Variants in DHX57 observed in about 807,000 individuals in gnomAD.
DHX57 encodes DExH-box helicase 57, also known as putative ATP-dependent RNA helicase DHX57.
Under a neutral mutation model 156.2 loss-of-function variants are expected in DHX57, and 105 were observed. That is an observed-to-expected ratio of 0.67 (90% CI 0.57 to 0.79). The LOEUF is 0.79. Ranked by LOEUF, DHX57 falls within the 30% of genes least tolerant of loss-of-function variation. DHX57 has a pLI of 0.00. For synonymous variants in DHX57, 704 were observed against 595.6 expected (o/e 1.18, Z -2.65); for missense variants, 1,847 against 1,661.9 (o/e 1.11, Z -1.94).
chr2:38,842,976 T>C (rs1404309534), intron 12 of DHX57, 29 bp downstream of exon 12: 15 of 1,601,506 alleles, frequency 9.4e-6, no homozygotes, highest in Non-Finnish European at 1.2e-5. Flanking sequence ...TTTGGCATAA[T>C]TATAATATTC....
chr2:38,815,644 G>A lies in DHX57; in HGVS notation c.3483C>T (p.Ser1161=), dbSNP rs200686313. 48 of 1,613,934 alleles carry A rather than the reference G, an allele frequency of 3.0e-5. No homozygotes were observed. Among genetic ancestry groups the A allele is most frequent in the Middle Eastern group, 1.6e-4 (1 of 6,084 alleles). ...ACAGTTCCGTGAATTGTCGTTTGAGGCTGGCCATTTCCTGAAAGAAGTGGA... is the reference window on the plus strand; with the variant it reads ...ACAGTTCCGTGAATTGTCGTTTGAGACTGGCCATTTCCTGAAAGAAGTGGA... ...LSGRVLQEMA[S]LKRQFTELLS... The change falls in exon 20 of 24, where the codon AGC becomes AGT. Residue 1161 remains serine (S), a synonymous_variant. Coordinates refer to ENST00000457308, the MANE Select transcript of DHX57 (RefSeq NM_198963.3).
chr2:38,857,326 ACAACTATATAAATCAATTT>A (rs1672951844), intron 6 of DHX57, among the ~76,000 whole-genome samples: 1 of 152,212 alleles, frequency 6.6e-6, no homozygotes, highest in South Asian at 2.1e-4. Flanking sequence ...GGCAGTCACT[ACAACTATATAAATCAATTT>A]CATATTTAAT....
intron 21 of DHX57, among the ~76,000 whole-genome samples, chr2:38,807,059 G>GT (rs757607191): frequency 0.019 from 2,738 of 146,714 alleles, 95 homozygotes; most frequent in African/African-American, 0.063. Context: ...TTCTTGTTTT[G>GT]TTTTGTTTTT....
intron 2 of DHX57, among the ~76,000 whole-genome samples, chr2:38,866,768 G>A (rs1383104940): frequency 6.6e-6 from 1 of 152,208 alleles, no homozygotes; most frequent in Admixed American, 6.5e-5. Flanking sequence ...TAACTCAGAA[G>A]TTAGGTTCTT....
chr2:38,824,928 C>T (rs765688395), intron 16 of DHX57, among the ~76,000 whole-genome samples: 2 of 152,146 alleles, frequency 1.3e-5, no homozygotes, highest in East Asian at 3.9e-4. Flanking sequence ...GGATTACAGG[C>T]ATGAGCCACC....
chr2:38,819,126 T>C lies in DHX57; in HGVS notation c.3310A>G (p.Lys1104Glu). The change falls in exon 18 of 24, where the codon AAA becomes GAA. Residue 1104 changes from lysine (K) to glutamate (E), a missense_variant. Coordinates refer to ENST00000457308, the MANE Select transcript of DHX57 (RefSeq NM_198963.3). ...AGCTTTTTCTGGTTAGCTTCTTCTT[T>C]TTTATCCCAGGGAGATACCTAAAGG... is the stretch of plus-strand genomic sequence containing the variant. Reference protein sequence around the residue: ...KSPFVSPWDKKEEANQKKLEF... With the variant: ...KSPFVSPWDKEEEANQKKLEF... The C allele has an allele frequency of 6.2e-7, 1 of 1,614,104 alleles. No homozygotes were observed. Among genetic ancestry groups the C allele is most frequent in the Non-Finnish European group, 8.5e-7 (1 of 1,180,028 alleles).
intron 1 of DHX57, among the ~76,000 whole-genome samples, chr2:38,869,085 A>G (rs1665231552): frequency 6.6e-6 from 1 of 152,202 alleles, no homozygotes; most frequent in Non-Finnish European, 1.5e-5. Flanking sequence ...TACAGGTGTG[A>G]GCCACTGCAC....
chr2:38,857,958 C>A (rs993656727), intron 6 of DHX57, among the ~76,000 whole-genome samples: 1 of 152,196 alleles, frequency 6.6e-6, no homozygotes, highest in Admixed American at 6.5e-5. Flanking sequence ...TCCAGGCTGG[C>A]ATTGTCTCAA....
chr2:38,856,468 A>T lies in DHX57; in HGVS notation c.1588-7T>A. ...ACTGGAACTGTCTGGAAGCCTAATA[A>T]AATCAAAGATAAGATATCAGTTGGG... On this transcript the variant is annotated splice_polypyrimidine_tract_variant and splice_region_variant and intron_variant, in intron 6 of 23. Transcript: ENST00000457308. The T allele has an allele frequency of 6.3e-7, 1 of 1,587,032 alleles. No homozygotes were observed. Among genetic ancestry groups the T allele is most frequent in the Non-Finnish European group, 8.5e-7 (1 of 1,173,262 alleles).
At chr2:38,871,694 T>C (rs1239765158) in intron 1 of DHX57, among the ~76,000 whole-genome samples, 1 of 150,992 alleles carries the variant, frequency 6.6e-6, no homozygotes, top group Non-Finnish European at 1.5e-5. Flanking sequence ...CCAGACTTAT[T>C]TTATAATAAC....
chr2:38,811,266 G>A, intron 21 of DHX57: 1 of 516,572 alleles, frequency 1.9e-6, no homozygotes, highest in African/African-American at 1.9e-5. Flanking sequence ...TTAATCTGGG[G>A]GGCCAGCGAG....
At chr2:38,808,623 A>G (rs776924880) in intron 21 of DHX57, among the ~76,000 whole-genome samples, 2 of 152,120 alleles carry the variant, frequency 1.3e-5, no homozygotes, top group Admixed American at 6.6e-5. Context: ...GTATATATGC[A>G]ATTGTTTCCT....
At chr2:38,867,172 G>C (rs1468129768) in intron 2 of DHX57, 1 of 152,134 alleles carries the variant, frequency 6.6e-6, no homozygotes, top group Admixed American at 6.5e-5. Context: ...TGTAGTCTAG[G>C]AGCAATTGGC....
At chr2:38,814,559 C>T (rs747105934) in intron 20 of DHX57, among the ~76,000 whole-genome samples, 15 of 152,154 alleles carry the variant, frequency 9.9e-5, no homozygotes, top group Non-Finnish European at 2.1e-4. Context: ...GTTCATCTTA[C>T]AGAAGTGCTC....
chr2:38,814,408 A>T (rs1670421340), intron 20 of DHX57, among the ~76,000 whole-genome samples: 1 of 152,218 alleles, frequency 6.6e-6, no homozygotes, highest in Non-Finnish European at 1.5e-5. Flanking sequence ...CACTCCAAGG[A>T]GCCTACAATG....
At chr2:38,828,281 T>G in intron 14 of DHX57, 59 bp downstream of exon 14, 8 of 1,318,928 alleles carry the variant, frequency 6.1e-6, no homozygotes, top group African/African-American at 1.5e-5. Flanking sequence ...AAGAGGGTGA[T>G]GATATCTTTA....
At chr2:38,811,682 T>A in intron 21 of DHX57, 1 of 1,022,126 alleles carries the variant, frequency 9.8e-7, no homozygotes, top group Non-Finnish European at 1.5e-6. Flanking sequence ...GTGCAATTCC[T>A]GGTGCCTGGA....
intron 20 of DHX57, among the ~76,000 whole-genome samples, chr2:38,814,949 T>C (rs1409685807): frequency 6.6e-6 from 1 of 152,168 alleles, no homozygotes. Flanking sequence ...CTCGAGCTCC[T>C]GACCTTGAGT....
chr2:38,806,827 C>A, intron 21 of DHX57, 134 bp from the exon 22 acceptor site: 1 of 841,780 alleles, frequency 1.2e-6, no homozygotes, highest in Non-Finnish European at 1.7e-6. Flanking sequence ...CCCTTTCTTT[C>A]TTATTTTGTT....
Sources: allele counts gnomAD v4.1 joint callset (sites outside exome capture counted in the v4.1 genomes callset), GRCh38; gene constraint gnomAD v4.1.1; transcripts MANE v1.5; gene names NCBI Gene and HGNC (gene_info 2026-07-23, HGNC 2026-07-21).